NBEA: variants seen among roughly 807,000 people sequenced by gnomAD.
NBEA encodes neurobeachin, also known as lysosomal-trafficking regulator 2.
In NBEA, 44 loss-of-function variants were observed where a neutral mutation model predicts 343.4. That is an observed-to-expected ratio of 0.13 (90% CI 0.10 to 0.16). NBEA has a LOEUF of 0.16. NBEA is among the 10% of genes least tolerant of loss of function. The probability of loss-of-function intolerance (pLI) is 1.00; values close to 1 mark genes in which losing one functional copy is unlikely to be tolerated. For missense variants in NBEA, 2,555 were observed against 3,631.3 expected, an observed-to-expected ratio of 0.70 and a Z score of 7.62; for synonymous variants, 1,175 against 1,238.7, an observed-to-expected ratio of 0.95 and a Z score of 1.08.
At chr13:35,526,474 C>T (rs1041802462) in intron 41 of NBEA, among the ~76,000 whole-genome samples, 1 of 152,090 alleles carries the variant, frequency 6.6e-6, no homozygotes, top group African/African-American at 2.4e-5. Flanking sequence ...GGTGAAAACC[C>T]GTCTCTACTA....
At chr13:35,360,092 A>G (rs1057218718) in intron 38 of NBEA, among the ~76,000 whole-genome samples, 1 of 152,004 alleles carries the variant, frequency 6.6e-6, no homozygotes, top group African/African-American at 2.4e-5. Context: ...ACAGCTAAGT[A>G]ATAGAGACAG....
At chr13:34,972,659 G>A (rs2060036627) in intron 1 of NBEA, among the ~76,000 whole-genome samples, 1 of 152,112 alleles carries the variant, frequency 6.6e-6, no homozygotes, top group Admixed American at 6.6e-5. Flanking sequence ...TTAGTCTTGA[G>A]TTCTAATTTG....
chr13:35,349,321 G>A (rs1275852412), intron 37 of NBEA, 105 bp downstream of exon 37: 1 of 533,330 alleles, frequency 1.9e-6, no homozygotes, highest in African/African-American at 1.9e-5. Context: ...AAATTTCACT[G>A]AAGGCATTTC....
chr13:35,388,869 T>G (rs1566062952), intron 38 of NBEA, among the ~76,000 whole-genome samples: 2 of 152,206 alleles, frequency 1.3e-5, no homozygotes, highest in African/African-American at 2.4e-5. Flanking sequence ...ATTCTATTTA[T>G]TCCCACAACT....
chr13:35,279,816 T>G (rs536971685), intron 34 of NBEA, among the ~76,000 whole-genome samples: 17 of 152,152 alleles, frequency 1.1e-4, no homozygotes, highest in Non-Finnish European at 1.5e-4. Flanking sequence ...ACAACATAGG[T>G]GGACACTGGA....
intron 17 of NBEA, among the ~76,000 whole-genome samples, chr13:35,124,817 CAT>C (rs1029513328): frequency 4.0e-5 from 6 of 150,456 alleles, no homozygotes; most frequent in South Asian, 2.1e-4. Flanking sequence ...TATACACACA[CAT>C]ATGGATATAT....
Position 35,240,564 on chromosome 13 carries a change from G to A in NBEA, c.5776+7945G>A, listed in dbSNP as rs76106332. ...CTCAATAATCAAAATTAATACTGGA[G>A]GAAATTCTGCAATACAAATTGAGTT... is the stretch of plus-strand genomic sequence containing the variant. On this transcript the variant is annotated intron_variant, in intron 34 of 58. Transcript: ENST00000379939. Among the ~76,000 whole-genome samples the A allele has an allele frequency of 3.3e-5, 5 of 151,934 alleles. No homozygotes were observed. In the East Asian group the frequency reaches 9.6e-4, roughly 29 times the overall value.
At chr13:35,541,283 T>G (rs1357951084) in intron 41 of NBEA, among the ~76,000 whole-genome samples, 1 of 151,736 alleles carries the variant, frequency 6.6e-6, no homozygotes, top group Non-Finnish European at 1.5e-5. Flanking sequence ...CTCCCCTGCC[T>G]TTTCCCATTA....
intron 38 of NBEA, among the ~76,000 whole-genome samples, chr13:35,396,931 C>T (rs1284701595): frequency 6.6e-6 from 1 of 152,066 alleles, no homozygotes; most frequent in East Asian, 1.9e-4. Context: ...GAAAGATATT[C>T]CATTTCTGAC....
intron 38 of NBEA, among the ~76,000 whole-genome samples, chr13:35,395,243 C>G (rs2042689924): frequency 1.3e-5 from 2 of 151,508 alleles, no homozygotes; most frequent in South Asian, 4.2e-4. Flanking sequence ...TTATAATCCC[C>G]AGTGTTGGAG....
At chr13:35,476,723 A>T in intron 41 of NBEA, 2 of 1,059,158 alleles carry the variant, frequency 1.9e-6, no homozygotes. Flanking sequence ...GAAATTATAA[A>T]GGCAGGGCCA....
At chr13:35,476,492 AAAAAC>A (rs2075880050) in intron 41 of NBEA, 1 of 721,710 alleles carries the variant, frequency 1.4e-6, no homozygotes, top group Non-Finnish European at 2.3e-6. Context: ...CTCAGGAATA[AAAAAC>A]AAAAGTTGCG....
chr13:35,665,122 T>C lies in NBEA; in HGVS notation c.8400T>C (p.His2800=), dbSNP rs1002230797. 2 of 1,586,382 alleles carry C rather than the reference T, an allele frequency of 1.3e-6. No homozygotes were observed. Among genetic ancestry groups the C allele is most frequent in the Non-Finnish European group, 1.7e-6 (2 of 1,164,128 alleles). Residue 2800 remains histidine, a synonymous_variant, in exon 56 of 59, where the codon CAT becomes CAC. Coordinates refer to ENST00000379939, the MANE Select transcript of NBEA (RefSeq NM_001385012.1). ...YPAPRAVLTG[H]DHEVVCVSVC... is the part of the protein sequence containing the mutation. ...CACCAAGAGCCGTCCTCACAGGCCATGACCATGAAGTTGTCTGTGTTTCTG... is the reference window on the plus strand; with the variant it reads ...CACCAAGAGCCGTCCTCACAGGCCACGACCATGAAGTTGTCTGTGTTTCTG...
chr13:34,950,046 C>T (rs1426343478), intron 1 of NBEA, among the ~76,000 whole-genome samples: 1 of 152,118 alleles, frequency 6.6e-6, no homozygotes, highest in Non-Finnish European at 1.5e-5. Flanking sequence ...CTGCTGTTAA[C>T]ATTCTCGATT....
intron 1 of NBEA, among the ~76,000 whole-genome samples, chr13:34,969,770 C>G (rs960444159): frequency 6.7e-6 from 1 of 149,976 alleles, no homozygotes; most frequent in African/African-American, 2.4e-5. Context: ...ATATATACCA[C>G]GTTTTTTTTT....
At chr13:35,254,020 C>T (rs1402890479) in intron 34 of NBEA, among the ~76,000 whole-genome samples, 1 of 152,002 alleles carries the variant, frequency 6.6e-6, no homozygotes, top group South Asian at 2.1e-4. Flanking sequence ...TTTTTTGTTT[C>T]TCCTCCAAAC....
intron 35 of NBEA, among the ~76,000 whole-genome samples, chr13:35,306,651 G>A (rs1191882176): frequency 2.0e-5 from 3 of 151,946 alleles, no homozygotes; most frequent in Admixed American, 6.6e-5. Flanking sequence ...TTGCAAACAG[G>A]ATCATAGGTA....
In NBEA at chr13:35,058,785, T is replaced by C; in HGVS notation, c.1161T>C (p.Leu387=). Residue 387 remains leucine (L), a synonymous_variant, in exon 8 of 59, where the codon CTT becomes CTC. Transcript: ENST00000379939. ...ADANRVFCGQ[L]GAVYVFSEAL... ...CAAATAGGGTATTCTGTGGTCAACT[T>C]GGTGCCGTGTATGTGTTCAGTGAAG... The C allele has an allele frequency of 6.2e-7, 1 of 1,601,876 alleles. No individual in the cohort carries two copies. The highest frequency in any genetic ancestry group is 1.1e-5 in the South Asian group (1 of 89,260).
At chr13:35,595,820 G>A (rs2081768303) in intron 47 of NBEA, among the ~76,000 whole-genome samples, 1 of 151,942 alleles carries the variant, frequency 6.6e-6, no homozygotes, top group African/African-American at 2.4e-5. Flanking sequence ...CATCACTATT[G>A]TATTAAACAA....
Sources: allele counts gnomAD v4.1 joint callset (sites outside exome capture counted in the v4.1 genomes callset), GRCh38; gene constraint gnomAD v4.1.1; transcripts MANE v1.5; gene names NCBI Gene and HGNC (gene_info 2026-07-23, HGNC 2026-07-21).